ULK1: variants seen among roughly 807,000 people sequenced by gnomAD.
The protein encoded by ULK1 is unc-51 like autophagy activating kinase 1.
Under a neutral mutation model 117.5 loss-of-function variants are expected in ULK1, and 48 were observed. That is an observed-to-expected ratio of 0.41 (90% CI 0.32 to 0.52). The LOEUF is 0.52. ULK1 is among the 20% of genes least tolerant of loss of function. ULK1 has a pLI of 0.29. For synonymous variants in ULK1, 790 were observed against 637.8 expected, an observed-to-expected ratio of 1.24 and a Z score of -3.60; for missense variants, 1,387 against 1,473.4, an observed-to-expected ratio of 0.94 and a Z score of 0.96.
At chr12:131,919,944 C>T (rs755501753) in intron 25 of ULK1, 35 bp from the exon 26 acceptor site, 3 of 1,601,698 alleles carry the variant, frequency 1.9e-6, no homozygotes, top group African/African-American at 2.7e-5. Context: ...CCCGTGTCTG[C>T]TGCACCCTGA....
intron 3 of ULK1, among the ~76,000 whole-genome samples, chr12:131,901,670 A>G (rs981408930): frequency 7.9e-5 from 12 of 152,208 alleles, no homozygotes; most frequent in African/African-American, 2.7e-4. Context: ...CGTGGGTGAC[A>G]GGAGTTGGTT....
Position 131,907,544 on chromosome 12 carries a change from C to G in ULK1, c.316+13C>G, listed in dbSNP as rs1255093618. The G allele has an allele frequency of 3.7e-6, 6 of 1,608,404 alleles. No individual in the cohort carries two copies. In the Admixed American group the frequency reaches 6.7e-5, roughly 18 times the overall value. ...GACTACCTGCACGGTGAGTGCACAG[C>G]TGCGCCACCTGGGCTGCCAGCCGGT... is the stretch of plus-strand genomic sequence containing the variant. On this transcript the variant is annotated intron_variant, in intron 5 of 27. Coordinates refer to ENST00000321867, the MANE Select transcript of ULK1 (RefSeq NM_003565.4).
chr12:131,920,682 G>A, intron 26 of ULK1: 1 of 205,044 alleles, frequency 4.9e-6, no homozygotes, highest in Admixed American at 5.2e-5. Flanking sequence ...TTCCCAAGAT[G>A]CTGGGTATTA....
chr12:131,920,155 C>A lies in ULK1; in HGVS notation c.2961+19C>A. ...GCAGATGGTACGGGACAGACAGACA[C>A]CAGTGGGGCAGGGGCCAGGAACTTC... On this transcript the variant is annotated intron_variant, in intron 26 of 27. Transcript: ENST00000321867. 1 of 1,605,310 alleles carries A rather than the reference C, an allele frequency of 6.2e-7. No homozygotes were observed. The highest frequency in any genetic ancestry group is 8.5e-7 in the Non-Finnish European group (1 of 1,173,794).
In ULK1 at chr12:131,919,298, C is replaced by T. The variant is rs139618532; in HGVS notation, c.2598C>T (p.Ser866=). 1.8e-4 allele frequency: 285 copies of T among 1,595,138 alleles called. No homozygotes were observed. Among genetic ancestry groups the T allele is most frequent in the East Asian group, 4.0e-4 (18 of 44,680 alleles). Residue 866 remains serine (S), a synonymous_variant, in exon 24 of 28, where the codon AGC becomes AGT. Coordinates refer to ENST00000321867, the MANE Select transcript of ULK1 (RefSeq NM_003565.4). ...TGGAGATCGCAGCCCTGAAGGGCAG[C>T]GCCAGTGAGGCGGCGGGGGGCCCTG... ...HVLEIAALKG[S]ASEAAGGPEY... is the part of the protein sequence containing the mutation.
rs1566128927 is a variant in ULK1, at chr12:131,918,789, TGTCG to T, written c.2511+110_2511+113del. On this transcript the variant is annotated intron_variant, in intron 23 of 27. Coordinates refer to ENST00000321867, the MANE Select transcript of ULK1 (RefSeq NM_003565.4). ...GGTGTGTGGGGTGTCGGGTGTGGGG[TGTCG>T]GGGGTGTGGGGTGTAGTGTGTGGGG... 47 of 494,368 alleles carry T rather than the reference TGTCG, an allele frequency of 9.5e-5. 1 individual carries two copies. Among genetic ancestry groups the T allele is most frequent in the Admixed American group, 1.7e-4 (2 of 12,096 alleles). 30.6% of individuals were successfully genotyped at this position (494,368 alleles called of 1,614,324 possible). A position where few individuals can be genotyped will look rare whatever the true frequency, so the allele number is the denominator to read the frequency against.
chr12:131,916,995 G>T lies in ULK1; in HGVS notation c.2115G>T (p.Ala705=). The T allele has an allele frequency of 6.2e-7, 1 of 1,611,580 alleles. No individual in the cohort carries two copies. The highest frequency in any genetic ancestry group is 1.1e-5 in the South Asian group (1 of 91,022). ...TSRLTDLLLK[A]AFGTQAPDPG... ...GCCTCACTGACCTGCTCCTTAAGGC[G>T]GCGTTTGGGACACAAGCCCCGGACC... The change falls in exon 21 of 28, where the codon GCG becomes GCT. Residue 705 remains alanine (A), a synonymous_variant. Transcript: ENST00000321867.
chr12:131,923,056 C>G lies in ULK1; in HGVS notation c.*1695C>G, dbSNP rs1328403167. 1 of 152,210 alleles carries G rather than the reference C, an allele frequency of 6.6e-6. No homozygotes were observed. Among genetic ancestry groups the G allele is most frequent in the Non-Finnish European group, 1.5e-5 (1 of 68,072 alleles). 9.4% of individuals were successfully genotyped at this position (152,210 alleles called of 1,614,324 possible). A position where few individuals can be genotyped will look rare whatever the true frequency, so the allele number is the denominator to read the frequency against. ...GAATGTTCTCTTGATAGTGCTGGAC[C>G]CTTTGTCTATTTTAAAGCGAATTTT... is the stretch of plus-strand genomic sequence containing the variant. On this transcript the variant is annotated 3_prime_UTR_variant, in exon 28 of 28. Coordinates refer to ENST00000321867, the MANE Select transcript of ULK1 (RefSeq NM_003565.4).
At chr12:131,917,159 A>ACGGGGGTCGGGTTCGGCTCGGAGGCTG in intron 21 of ULK1, 97 bp downstream of exon 21, 1 of 196,118 alleles carries the variant, frequency 5.1e-6, no homozygotes, top group African/African-American at 3.0e-4. Flanking sequence ...AGGCTGTGGG[A>ACGGGGGTCGGGTTCGGCTCGGAGGCTG]TGGGGCTCGA....
intron 26 of ULK1, chr12:131,920,564 CGTTT>C: frequency 5.0e-6 from 1 of 199,870 alleles, no homozygotes; most frequent in East Asian, 1.5e-4. Flanking sequence ...GCCCCCTTTT[CGTTT>C]ATTTTTTGTT....
At chr12:131,913,102 G>C in intron 13 of ULK1, 96 bp from the exon 14 acceptor site, 12 of 1,184,390 alleles carry the variant, frequency 1.0e-5, no homozygotes, top group Admixed American at 3.2e-5. Context: ...CTGCAAGGTG[G>C]AGTGTGCGTG....
chr12:131,912,629 C>G (rs1414682147), intron 13 of ULK1, among the ~76,000 whole-genome samples: 1 of 152,220 alleles, frequency 6.6e-6, no homozygotes, highest in Non-Finnish European at 1.5e-5. Flanking sequence ...CACTGGTCCC[C>G]GTGTCTGCCA....
chr12:131,919,420 G>A (rs377160205), intron 24 of ULK1, 36 bp downstream of exon 24: 50 of 1,574,170 alleles, frequency 3.2e-5, no homozygotes, highest in Non-Finnish European at 4.1e-5. Flanking sequence ...GGCGGGTGGT[G>A]GCCTGGGGGC....
chr12:131,920,322 A>G, intron 26 of ULK1, 186 bp downstream of exon 26: 1 of 725,630 alleles, frequency 1.4e-6, no homozygotes, highest in Non-Finnish European at 2.2e-6. Context: ...GGCTGGGTGC[A>G]TCCTTGATTG....
chr12:131,895,507 G>C (rs575634760), intron 1 of ULK1, 94 bp from the exon 2 acceptor site: 1 of 1,065,628 alleles, frequency 9.4e-7, no homozygotes, highest in South Asian at 1.4e-5. Context: ...ATTCCCAACC[G>C]GGATCATCTC....
chr12:131,917,076 T>TGGGGGTCGGAGGCTGTGGGAC lies in ULK1; in HGVS notation c.2182+18_2182+19insGTCGGAGGCTGTGGGACGGGG. The TGGGGGTCGGAGGCTGTGGGAC allele has an allele frequency of 8.1e-7, 1 of 1,232,690 alleles. No homozygotes were observed. The highest frequency in any genetic ancestry group is 1.1e-6 in the Non-Finnish European group (1 of 925,580). The allele number at this position is 1,232,690 out of a possible 1,614,324, so 76.4% of individuals were successfully genotyped here. A position where few individuals can be genotyped will look rare whatever the true frequency, so the allele number is the denominator to read the frequency against. ...CCATGGAGATCGGTGTGTGGGTGGG[T>TGGGGGTCGGAGGCTGTGGGAC]GGGGCTCGGAGGCTGTGGGATGGGG... is the stretch of plus-strand genomic sequence containing the variant. On this transcript the variant is annotated intron_variant, in intron 21 of 27. Transcript: ENST00000321867.
chr12:131,920,204 C>T (rs981254122), intron 26 of ULK1, 68 bp downstream of exon 26: 70 of 1,559,958 alleles, frequency 4.5e-5, no homozygotes, highest in Middle Eastern at 3.4e-4. Flanking sequence ...TCCACTGGGA[C>T]GGGACCTTGA....
rs1022060145 is a variant in ULK1 at position 131,916,962 on chromosome 12, C to T, written c.2082C>T (p.Ser694=). 1 of 1,610,658 alleles carries T rather than the reference C, an allele frequency of 6.2e-7. No homozygotes were observed. Among genetic ancestry groups the T allele is most frequent in the Non-Finnish European group, 8.5e-7 (1 of 1,179,006 alleles). ...DPKGPFGRSF[S]TSRLTDLLLK... is the part of the protein sequence containing the mutation. The stretch of plus-strand genomic sequence containing the variant: ...CTGCACACTCCCACAGGTCTTTCAG[C>T]ACCAGCCGCCTCACTGACCTGCTCC... Residue 694 remains serine (S), a synonymous_variant, in exon 21 of 28, where the codon AGC becomes AGT. Transcript: ENST00000321867.
chr12:131,895,479 C>G (rs1888829874), intron 1 of ULK1, 122 bp from the exon 2 acceptor site: 10 of 806,402 alleles, frequency 1.2e-5, no homozygotes, highest in Non-Finnish European at 2.0e-5. Flanking sequence ...GCTCCCCACT[C>G]GGCCTTCCAG....
Sources: allele counts gnomAD v4.1 joint callset (sites outside exome capture counted in the v4.1 genomes callset), GRCh38; gene constraint gnomAD v4.1.1; transcripts MANE v1.5; gene names NCBI Gene and HGNC (gene_info 2026-07-23, HGNC 2026-07-21).